Variants in DAB1 observed in about 807,000 individuals in gnomAD.
DAB1 encodes disabled homolog 1.
Under a neutral mutation model 64.6 loss-of-function variants are expected in DAB1, and 15 were observed. The observed-to-expected ratio is 0.23, with a 90% CI of 0.16 to 0.36. The LOEUF (loss-of-function observed/expected upper bound fraction) is 0.36, where lower values mean the gene tolerates loss of function less well. Ranked by LOEUF, DAB1 falls within the 10% of genes least tolerant of loss-of-function variation. The probability of loss-of-function intolerance (pLI) is 1.00; values close to 1 mark genes in which losing one functional copy is unlikely to be tolerated. For synonymous variants in DAB1, 235 were observed against 251.9 expected, an observed-to-expected ratio of 0.93 and a Z score of 0.64; for missense variants, 596 against 706.7, an observed-to-expected ratio of 0.84 and a Z score of 1.78.
chr1:57,683,509 C>G (rs918283006), intron 6 of DAB1, among the ~76,000 whole-genome samples: 1 of 152,106 alleles, frequency 6.6e-6, no homozygotes, highest in Non-Finnish European at 1.5e-5. Flanking sequence ...GGATTGCAGC[C>G]CAAACTACAA....
intron 5 of DAB1, among the ~76,000 whole-genome samples, chr1:57,948,115 AG>A (rs1645211107): frequency 6.6e-6 from 1 of 152,304 alleles, no homozygotes; most frequent in African/African-American, 2.4e-5. Context: ...GACTGAGCTC[AG>A]GTATATCTCT....
intron 3 of DAB1, among the ~76,000 whole-genome samples, chr1:58,387,859 T>C (rs1433251801): frequency 4.0e-5 from 6 of 151,714 alleles, no homozygotes; most frequent in Non-Finnish European, 7.4e-5. Flanking sequence ...CTGAAGTAGC[T>C]GGGACTACAG....
At chr1:57,792,344 T>C (rs368407909) in intron 6 of DAB1, among the ~76,000 whole-genome samples, 1 of 152,266 alleles carries the variant, frequency 6.6e-6, no homozygotes, top group Non-Finnish European at 1.5e-5. Context: ...CCATATTTAT[T>C]GCCAGACAGC....
chr1:57,988,105 A>C (rs1452303860), intron 5 of DAB1, among the ~76,000 whole-genome samples: 2 of 152,096 alleles, frequency 1.3e-5, no homozygotes, highest in Admixed American at 6.5e-5. Flanking sequence ...CTATGTTAAC[A>C]CTAAGGATGC....
At chr1:57,652,709 C>A (rs1646271130) in intron 6 of DAB1, among the ~76,000 whole-genome samples, 1 of 152,044 alleles carries the variant, frequency 6.6e-6, no homozygotes, top group Non-Finnish European at 1.5e-5. Flanking sequence ...AAATTTTGAT[C>A]TTTTTAAAGA....
At chr1:58,535,361 A>G (rs1646499695) in intron 1 of DAB1, among the ~76,000 whole-genome samples, 1 of 152,064 alleles carries the variant, frequency 6.6e-6, no homozygotes, top group African/African-American at 2.4e-5. Context: ...CCAGCACTTT[A>G]GGAGGTGGGC....
At position 57,369,251 on chromosome 1, in the gene DAB1, A is replaced by G. The variant is rs149016031; in HGVS notation, c.-137+54679T>C. Among the ~76,000 whole-genome samples the G allele has an allele frequency of 3.6e-3, 554 of 152,314 alleles. 5 individuals carry two copies. Among genetic ancestry groups the G allele is most frequent in the African/African-American group, 0.013 (525 of 41,564 alleles). ...GCTAGGACATAGCAAGAGTTTAATC[A>G]ATGAGAGTAAAAACCCAATAAACCA... On this transcript the variant is annotated intron_variant, in intron 1 of 14. Coordinates refer to ENST00000371236, the MANE Select transcript of DAB1 (RefSeq NM_001365792.1).
intron 5 of DAB1, among the ~76,000 whole-genome samples, chr1:58,145,542 G>T (rs947464614): frequency 1.1e-4 from 16 of 152,182 alleles, no homozygotes; most frequent in Admixed American, 2.0e-4. Flanking sequence ...GTTAATACTG[G>T]CATCACATGA....
At chr1:57,682,382 G>A (rs1407800187) in intron 6 of DAB1, among the ~76,000 whole-genome samples, 2 of 148,486 alleles carry the variant, frequency 1.3e-5, no homozygotes. Flanking sequence ...AAGACAAGAT[G>A]GCCTACTAGA....
At chr1:58,544,543 T>C (rs756325856) in intron 1 of DAB1, among the ~76,000 whole-genome samples, 2 of 152,184 alleles carry the variant, frequency 1.3e-5, no homozygotes, top group Non-Finnish European at 2.9e-5. Context: ...CGGGATGTAT[T>C]ATTACTTTTT....
intron 6 of DAB1, among the ~76,000 whole-genome samples, chr1:57,743,587 G>T (rs1026011920): frequency 7.2e-5 from 11 of 152,178 alleles, no homozygotes; most frequent in Non-Finnish European, 1.6e-4. Flanking sequence ...GGTCATCCAG[G>T]GGCCAGCCCT....
At chr1:58,156,516 C>T (rs1448977417) in intron 4 of DAB1, among the ~76,000 whole-genome samples, 1 of 152,220 alleles carries the variant, frequency 6.6e-6, no homozygotes, top group South Asian at 2.1e-4. Flanking sequence ...GAACCACAGT[C>T]CAGTGAGAAA....
chr1:57,861,859 G>T (rs1654052321), intron 1 of DAB1, among the ~76,000 whole-genome samples: 1 of 151,262 alleles, frequency 6.6e-6, no homozygotes, highest in Admixed American at 6.6e-5. Context: ...CTCCTACCAA[G>T]AACCAAACCA....
intron 5 of DAB1, among the ~76,000 whole-genome samples, chr1:58,037,210 T>C (rs1191656058): frequency 1.3e-5 from 2 of 152,132 alleles, no homozygotes; most frequent in African/African-American, 4.8e-5. Flanking sequence ...CACACACAGA[T>C]TTCTAGAGGC....
chr1:57,999,918 G>T (rs1181801726), intron 5 of DAB1, among the ~76,000 whole-genome samples: 2 of 150,682 alleles, frequency 1.3e-5, no homozygotes, highest in Non-Finnish European at 3.0e-5. Context: ...AGGAAGAAAA[G>T]AAGGAAAAGA....
intron 4 of DAB1, among the ~76,000 whole-genome samples, chr1:57,094,778 C>T (rs975679525): frequency 6.6e-6 from 1 of 152,132 alleles, no homozygotes; most frequent in Non-Finnish European, 1.5e-5. Flanking sequence ...CTGGGTCATA[C>T]CTGGATCACA....
intron 8 of DAB1, among the ~76,000 whole-genome samples, chr1:57,067,325 G>C (rs1319328953): frequency 6.6e-6 from 1 of 152,114 alleles, no homozygotes; most frequent in African/African-American, 2.4e-5. Flanking sequence ...TCTGAGCTGA[G>C]AGCAGCCTTA....
At chr1:57,331,363 AATTGGC>A (rs1676656519) in intron 1 of DAB1, among the ~76,000 whole-genome samples, 1 of 152,162 alleles carries the variant, frequency 6.6e-6, no homozygotes, top group South Asian at 2.1e-4. Context: ...CAAATTTATA[AATTGGC>A]ATAGAGAGGC....
chr1:57,598,545 G>T (rs766744438), intron 7 of DAB1, among the ~76,000 whole-genome samples: 4 of 152,194 alleles, frequency 2.6e-5, no homozygotes, highest in Non-Finnish European at 5.9e-5. Context: ...GCAAGTGTCA[G>T]ATCTTATGAT....
Sources: gnomAD v4.1 joint callset for allele counts (sites outside exome capture counted in the v4.1 genomes callset) on GRCh38, gnomAD v4.1.1 for gene constraint, MANE v1.5 for transcripts, NCBI Gene and HGNC (gene_info 2026-07-23, HGNC 2026-07-21) for gene names.